AFF1: variants seen among roughly 807,000 people sequenced by gnomAD.
AFF1 encodes the protein ALF transcription elongation factor 1.
In AFF1, 48 loss-of-function variants were observed where a neutral mutation model predicts 121.7. The ratio of observed to expected loss-of-function variants is 0.39; its 90% confidence interval spans 0.31 to 0.50. The LOEUF is 0.50. Among genes scored for constraint, AFF1 ranks in the 20% least tolerant of loss-of-function variants. The pLI is 0.76. For missense variants in AFF1, 1,523 were observed against 1,511.7 expected (o/e 1.01, Z -0.12); for synonymous variants, 613 against 563.0 (o/e 1.09, Z -1.26).
In AFF1 at chr4:87,091,824, A is replaced by G. The variant is rs763538165; in HGVS notation, c.1223A>G (p.Asn408Ser). 6.4e-7 allele frequency: 1 copy of G among 1,561,218 alleles called. No individual in the cohort carries two copies. The highest frequency in any genetic ancestry group is 8.7e-7 in the Non-Finnish European group (1 of 1,154,890). Residue 408 changes from asparagine (N) to serine (S), a missense_variant, in exon 7 of 21, where the codon AAC (asparagine) becomes AGC (serine). Around this residue, in one of 5 missense-constraint regions of AFF1, gnomAD observed 905 missense variants for 842.5 expected, o/e 1.07. Transcript: ENST00000395146. Reference sequence around the variant, plus strand: ...CAGCATGTCAGTTCTGTAACCCAAAACCAAAGTAAGTAAATTTGAAACTGC... The same window carrying G: ...CAGCATGTCAGTTCTGTAACCCAAAGCCAAAGTAAGTAAATTTGAAACTGC... ...DSQHVSSVTQNQKQYDTSSKT... is the reference protein window; with the variant it reads ...DSQHVSSVTQSQKQYDTSSKT...
intron 3 of AFF1, 69 bp from the exon 4 acceptor site, chr4:87,046,626 A>G (rs1371951214): frequency 1.8e-5 from 26 of 1,469,452 alleles, no homozygotes; most frequent in African/African-American, 2.8e-5. Flanking sequence ...ATAGTATTAT[A>G]TAACGTGGTT....
intron 3 of AFF1, 50 bp from the exon 4 acceptor site, chr4:87,046,645 G>A (rs756687573): frequency 7.1e-6 from 11 of 1,541,522 alleles, no homozygotes; most frequent in Non-Finnish European, 9.6e-6. Flanking sequence ...TTTGTTAAAT[G>A]GTAGTTTTCC....
chr4:87,133,326 C>T (rs1348657602), intron 19 of AFF1, among the ~76,000 whole-genome samples: 1 of 152,146 alleles, frequency 6.6e-6, no homozygotes, highest in African/African-American at 2.4e-5. Flanking sequence ...TTAATTTGGT[C>T]ATACTCCTTG....
intron 4 of AFF1, among the ~76,000 whole-genome samples, chr4:87,058,420 A>G (rs963196446): frequency 3.3e-5 from 5 of 152,322 alleles, no homozygotes; most frequent in Middle Eastern, 3.4e-3. Context: ...CTTCGTGGCC[A>G]TGTGGCTTGC....
intron 4 of AFF1, among the ~76,000 whole-genome samples, chr4:87,064,676 C>T (rs963784053): frequency 1.3e-5 from 2 of 151,946 alleles, no homozygotes; most frequent in Non-Finnish European, 2.9e-5. Context: ...GTCAGGAATT[C>T]GAGACCAGCC....
intron 2 of AFF1, among the ~76,000 whole-genome samples, chr4:87,004,127 T>C (rs568736653): frequency 1.3e-5 from 2 of 152,310 alleles, no homozygotes; most frequent in East Asian, 3.9e-4. Flanking sequence ...CTGGAGTCTG[T>C]TTTTAACATA....
intron 1 of AFF1, among the ~76,000 whole-genome samples, chr4:86,942,356 G>T (rs1299863775): frequency 6.6e-6 from 1 of 152,150 alleles, no homozygotes; most frequent in Non-Finnish European, 1.5e-5. Flanking sequence ...ACAGAATCAG[G>T]TGACTCATCT....
chr4:87,091,424 A>C (rs1231989182), intron 6 of AFF1, among the ~76,000 whole-genome samples: 1 of 152,244 alleles, frequency 6.6e-6, no homozygotes, highest in Admixed American at 6.5e-5. Flanking sequence ...AACAAAACAA[A>C]AAAAACAGTG....
At chr4:87,073,747 G>C (rs1050077955) in intron 4 of AFF1, among the ~76,000 whole-genome samples, 2 of 151,980 alleles carry the variant, frequency 1.3e-5, no homozygotes, top group African/African-American at 4.8e-5. Flanking sequence ...TATAATCTTA[G>C]CTTATGCTCA....
chr4:87,119,186 C>G (rs146563245), intron 12 of AFF1, among the ~76,000 whole-genome samples: 2 of 152,216 alleles, frequency 1.3e-5, no homozygotes, highest in South Asian at 2.1e-4. Context: ...AATTCTTAAA[C>G]CAAGCTTATT....
intron 2 of AFF1, among the ~76,000 whole-genome samples, chr4:87,002,871 G>GT (rs138893018): frequency 0.014 from 2,058 of 152,258 alleles, 54 homozygotes; most frequent in African/African-American, 0.047. Flanking sequence ...TTTAACAAAG[G>GT]TTGTACTTCA....
At chr4:86,986,841 TGTG>T (rs1365776004) in intron 2 of AFF1, among the ~76,000 whole-genome samples, 1 of 152,026 alleles carries the variant, frequency 6.6e-6, no homozygotes, top group East Asian at 1.9e-4. Context: ...ATAATAGTAT[TGTG>T]GTTATTATTA....
chr4:87,081,223 C>T (rs894739652), intron 4 of AFF1, among the ~76,000 whole-genome samples: 1 of 133,066 alleles, frequency 7.5e-6, no homozygotes, highest in Non-Finnish European at 1.5e-5. Flanking sequence ...CTACAGTGGC[C>T]CAATCTCTGC....
intron 2 of AFF1, among the ~76,000 whole-genome samples, chr4:87,044,505 G>T (rs891366012): frequency 6.6e-6 from 1 of 152,186 alleles, no homozygotes. Flanking sequence ...ATTTGAGGAA[G>T]CCTTTAGAGT....
At chr4:87,007,118 T>A in intron 2 of AFF1, 2 of 1,271,018 alleles carry the variant, frequency 1.6e-6, no homozygotes, top group Non-Finnish European at 2.0e-6. Flanking sequence ...GGGCGCTCGC[T>A]TGCCCCGGAT....
chr4:86,983,798 G>A (rs887947048), intron 2 of AFF1, among the ~76,000 whole-genome samples: 11 of 151,982 alleles, frequency 7.2e-5, no homozygotes, highest in African/African-American at 2.4e-4. Context: ...AGCACTTTGG[G>A]AGGCCGAGGC....
chr4:86,996,461 C>G (rs1725208827), intron 2 of AFF1, among the ~76,000 whole-genome samples: 1 of 151,730 alleles, frequency 6.6e-6, no homozygotes, highest in South Asian at 2.1e-4. Context: ...GTGCTGTATC[C>G]ACTCAGGGTT....
At chr4:87,091,887 T>C in intron 7 of AFF1, 58 bp downstream of exon 7, 1 of 1,301,296 alleles carries the variant, frequency 7.7e-7, no homozygotes, top group East Asian at 2.5e-5. Context: ...TTTTACTGTT[T>C]AACGTAAAAA....
intron 20 of AFF1, 62 bp from the exon 21 acceptor site, chr4:87,135,516 CAT>C (rs1729225915): frequency 7.0e-7 from 1 of 1,438,620 alleles, no homozygotes; most frequent in South Asian, 1.5e-5. Context: ...TTTTTGTTTC[CAT>C]TTTAATTTTT....
Sources: gnomAD v4.1 joint callset for allele counts (sites outside exome capture counted in the v4.1 genomes callset) on GRCh38, gnomAD v4.1.1 for gene constraint, gnomAD v4.1.1 regional missense constraint, MANE v1.5 for transcripts, NCBI Gene and HGNC (gene_info 2026-07-23, HGNC 2026-07-21) for gene names.